PHEX: variants seen among roughly 807,000 people sequenced by gnomAD.
The protein encoded by PHEX is phosphate-regulating neutral endopeptidase PHEX.
In PHEX, 16 loss-of-function variants were observed where a neutral mutation model predicts 68.0. The observed-to-expected ratio is 0.24, with a 90% CI of 0.16 to 0.36. PHEX has a LOEUF of 0.36. PHEX is among the 10% of genes least tolerant of loss of function. PHEX has a pLI of 1.00. For synonymous variants in PHEX, 208 were observed against 205.1 expected, an observed-to-expected ratio of 1.01 and a Z score of -0.12; for missense variants, 480 against 575.5, an observed-to-expected ratio of 0.83 and a Z score of 1.70.
chrX:22,047,273 A>G (rs369978457), intron 3 of PHEX, 62 bp downstream of exon 3: 1 of 968,728 alleles, frequency 1.0e-6, no homozygotes. Flanking sequence ...CAGGAAAAAC[A>G]TAGTTTGGGA....
intron 19 of PHEX, 72 bp downstream of exon 19, chrX:22,226,580 A>G: frequency 1.3e-6 from 1 of 779,380 alleles, no homozygotes; most frequent in Non-Finnish European, 2.0e-6. Flanking sequence ...ACCTCAATTC[A>G]TACCATAGCC....
At chrX:22,137,926 A>G (rs888991787) in intron 12 of PHEX, among the ~76,000 whole-genome samples, 1 of 111,825 alleles carries the variant, frequency 8.9e-6, no homozygotes, top group Non-Finnish European at 1.9e-5. Context: ...CTTCCTCAGA[A>G]GTCCTCACCC....
At chrX:22,243,325 A>T (rs1429420949) in intron 20 of PHEX, among the ~76,000 whole-genome samples, 2 of 112,361 alleles carry the variant, frequency 1.8e-5, no homozygotes, top group African/African-American at 3.2e-5. Context: ...GGACCATAAA[A>T]ATCCTAGAAG....
At position 22,068,077 on chromosome X, in the gene PHEX, A is replaced by T. The variant is rs765629121; in HGVS notation, c.350-8311A>T. 8.1e-5 allele frequency among the ~76,000 whole-genome samples: 9 copies of T among 110,779 alleles called. No individual in the cohort carries two copies. In the South Asian group the frequency reaches 3.4e-3, roughly 42 times the overall value. On this transcript the variant is annotated intron_variant, in intron 3 of 21. Transcript: ENST00000379374. ...GGTCTCGAACTCCTGACCTCAGGTG[A>T]TCCGCCTGCCTCTACCTCCCACAGT...
intron 2 of PHEX, among the ~76,000 whole-genome samples, chrX:22,041,923 T>A (rs1927307872): frequency 9.0e-6 from 1 of 111,695 alleles, no homozygotes; most frequent in Admixed American, 9.6e-5. Flanking sequence ...GTCCTGTTTT[T>A]AATTTTCACA....
intron 10 of PHEX, among the ~76,000 whole-genome samples, chrX:22,113,943 C>CTTTTTTTTTTT (rs746349559): frequency 4.7e-5 from 3 of 63,982 alleles, no homozygotes; most frequent in Non-Finnish European, 5.8e-5. Context: ...TCTTCTTCTT[C>CTTTTTTTTTTT]TTTTTTTTTT....
rs1247898023 is a variant in PHEX at position 22,249,451 on chromosome X, A to ATATATATATATATAT, written c.*1498_*1499insTATATATATATATAT. ...TGATTTGTGATTCTTTTAAAAAAAA[A>ATATATATATATATAT]AAAAATATATATATATATATATATA... On this transcript the variant is annotated 3_prime_UTR_variant, in exon 22 of 22. Transcript: ENST00000379374. 4 of 28,494 alleles carry ATATATATATATATAT rather than the reference A, an allele frequency of 1.4e-4. No homozygotes were observed. Among genetic ancestry groups the ATATATATATATATAT allele is most frequent in the African/African-American group, 8.3e-4 (4 of 4,811 alleles). 2.3% of individuals were successfully genotyped at this position (28,494 alleles called of 1,213,427 possible).
intron 14 of PHEX, among the ~76,000 whole-genome samples, chrX:22,179,672 GACA>G (rs1933823340): frequency 8.9e-6 from 1 of 111,866 alleles, no homozygotes; most frequent in Non-Finnish European, 1.9e-5. Context: ...TTTTATGGCT[GACA>G]ACTTCGGAAT....
Position 22,234,254 on chromosome X carries a change from A to G in PHEX, c.2070+6643A>G, listed in dbSNP as rs915546320. On this transcript the variant is annotated intron_variant, in intron 20 of 21. Transcript: ENST00000379374. Reference sequence around the variant, plus strand: ...CCCTACCGGGAGGTGTCTCCCAGTCAGGATACACGGGGGTCAGGTACCCAC... The same window carrying G: ...CCCTACCGGGAGGTGTCTCCCAGTCGGGATACACGGGGGTCAGGTACCCAC... Among the ~76,000 whole-genome samples, 3 of 112,677 alleles carry G rather than the reference A, an allele frequency of 2.7e-5. No individual in the cohort carries two copies. The East Asian group carries it at 8.5e-4, about 32-fold the overall frequency.
At chrX:22,063,660 G>T (rs1442833132) in intron 3 of PHEX, among the ~76,000 whole-genome samples, 2 of 112,313 alleles carry the variant, frequency 1.8e-5, no homozygotes. Context: ...CCAAATTTTT[G>T]ATTCTGCCCC....
At chrX:22,053,549 A>G (rs1927935620) in intron 3 of PHEX, among the ~76,000 whole-genome samples, 1 of 112,189 alleles carries the variant, frequency 8.9e-6, no homozygotes, top group Non-Finnish European at 1.9e-5. Context: ...CTTAAGATCC[A>G]CATTCTATAA....
At chrX:22,089,083 G>A (rs781222130) in intron 5 of PHEX, among the ~76,000 whole-genome samples, 5 of 112,202 alleles carry the variant, frequency 4.5e-5, no homozygotes, top group South Asian at 3.7e-4. Context: ...GTGCAGTGGC[G>A]CCATCCCAGC....
chrX:22,151,365 A>C (rs775345340), intron 12 of PHEX, among the ~76,000 whole-genome samples: 6 of 111,711 alleles, frequency 5.4e-5, no homozygotes, highest in Admixed American at 4.7e-4. Context: ...AATTTCCTGC[A>C]TTTCAAACCC....
chrX:22,124,846 A>AT (rs769765985), intron 11 of PHEX, among the ~76,000 whole-genome samples: 2 of 111,714 alleles, frequency 1.8e-5, no homozygotes, highest in South Asian at 3.7e-4. Context: ...AAATAATTTG[A>AT]TTTTTTCTTC....
At position 22,059,518 on chromosome X, in the gene PHEX, A is replaced by T. The variant is rs771304704; in HGVS notation, c.349+12307A>T. Among the ~76,000 whole-genome samples, 10 of 112,573 alleles carry T rather than the reference A, an allele frequency of 8.9e-5. No individual in the cohort carries two copies. In the South Asian group the frequency reaches 3.7e-3, roughly 41 times the overall value. ...AAAAAAAGTTGTGCTGTGTTTTGAAATACCTGTTTTTCTTTGTAAGCCTAT... is the reference window on the plus strand; with the variant it reads ...AAAAAAAGTTGTGCTGTGTTTTGAATTACCTGTTTTTCTTTGTAAGCCTAT... On this transcript the variant is annotated intron_variant, in intron 3 of 21. Transcript: ENST00000379374.
At chrX:22,242,386 C>T (rs1936249241) in intron 20 of PHEX, among the ~76,000 whole-genome samples, 1 of 111,897 alleles carries the variant, frequency 8.9e-6, no homozygotes, top group African/African-American at 3.3e-5. Flanking sequence ...GATGCCCTCT[C>T]TCACCACTCC....
chrX:22,210,470 T>A (rs1934884594), intron 15 of PHEX, among the ~76,000 whole-genome samples: 1 of 112,288 alleles, frequency 8.9e-6, no homozygotes, highest in Non-Finnish European at 1.9e-5. Context: ...CATTGGTTTA[T>A]GATCATTGTT....
chrX:22,211,942 C>A (rs181491129), intron 15 of PHEX, among the ~76,000 whole-genome samples: 1 of 111,473 alleles, frequency 9.0e-6, no homozygotes, highest in Non-Finnish European at 1.9e-5. Context: ...TGGGGGAAAC[C>A]GCGCCCATGA....
intron 3 of PHEX, among the ~76,000 whole-genome samples, chrX:22,071,699 A>G (rs1036157424): frequency 8.9e-6 from 1 of 112,898 alleles, no homozygotes; most frequent in African/African-American, 3.2e-5. Flanking sequence ...ATCCCCTTTG[A>G]GGCTAGGCTT....
Sources: gnomAD v4.1 joint callset for allele counts (sites outside exome capture counted in the v4.1 genomes callset) on GRCh38, gnomAD v4.1.1 for gene constraint, MANE v1.5 for transcripts, NCBI Gene and HGNC (gene_info 2026-07-23, HGNC 2026-07-21) for gene names.